The following PTPRN2 variants were observed in gnomAD, a reference collection of about 807,000 sequenced individuals.
PTPRN2 encodes protein tyrosine phosphatase receptor type N2, also known as receptor-type tyrosine-protein phosphatase N2.
In PTPRN2, 74 loss-of-function variants were observed where a neutral mutation model predicts 118.8. The ratio of observed to expected loss-of-function variants is 0.62; its 90% CI spans 0.52 to 0.76. The LOEUF (loss-of-function observed/expected upper bound fraction) is 0.76, where lower values mean the gene tolerates loss of function less well. PTPRN2 is among the 30% of genes least tolerant of loss of function. The probability of loss-of-function intolerance (pLI) is 0.00; values close to 1 mark genes in which losing one functional copy is unlikely to be tolerated. For missense variants in PTPRN2, 1,481 were observed against 1,394.4 expected, an observed-to-expected ratio of 1.06 and a Z score of -0.99; for synonymous variants, 641 against 608.0, an observed-to-expected ratio of 1.05 and a Z score of -0.80.
At chr7:158,334,671 C>A (rs11980565) in intron 2 of PTPRN2, among the ~76,000 whole-genome samples, 1 of 78,160 alleles carries the variant, frequency 1.3e-5, no homozygotes, top group Non-Finnish European at 2.8e-5. Context: ...CACCTGCAGA[C>A]GTCACTCACA....
intron 2 of PTPRN2, among the ~76,000 whole-genome samples, chr7:158,470,249 G>A (rs1039858477): frequency 2.0e-5 from 3 of 152,226 alleles, no homozygotes; most frequent in Non-Finnish European, 4.4e-5. Context: ...AACTAAGGCC[G>A]ACCAATAGGA....
intron 10 of PTPRN2, among the ~76,000 whole-genome samples, chr7:158,089,909 G>T (rs1199437504): frequency 0.016 from 124 of 7,734 alleles, 2 homozygotes; most frequent in East Asian, 0.042. Context: ...ACACAAACCT[G>T]TCTTCCCCTG....
chr7:158,551,024 G>A (rs755009852), intron 1 of PTPRN2, among the ~76,000 whole-genome samples: 7 of 152,238 alleles, frequency 4.6e-5, no homozygotes, highest in Non-Finnish European at 8.8e-5. Context: ...AGCAGCGACC[G>A]TGAGCACGGG....
chr7:157,555,159 C>T (rs774537789), intron 21 of PTPRN2, among the ~76,000 whole-genome samples: 4 of 152,338 alleles, frequency 2.6e-5, no homozygotes, highest in South Asian at 2.1e-4. Context: ...GGTACCATCC[C>T]GTGCCAAGCT....
At chr7:157,711,446 AGGTCCGGTTTGTGCACCTGCACACG>A (rs142427715) in intron 12 of PTPRN2, among the ~76,000 whole-genome samples, 61,510 of 135,148 alleles carry the variant, frequency 0.46, 17,080 homozygotes, top group Non-Finnish European at 0.56. Flanking sequence ...CACGCGCCGG[AGGTCCGGTTTGTGCACCTGCACACG>A]GGTCCTGTCT....
At chr7:158,036,944 G>A (rs898519649) in intron 11 of PTPRN2, among the ~76,000 whole-genome samples, 1 of 152,084 alleles carries the variant, frequency 6.6e-6, no homozygotes, top group African/African-American at 2.4e-5. Flanking sequence ...CATTAGAAAG[G>A]AAGAAAGCTG....
At chr7:157,631,155 C>T (rs1388249263) in intron 14 of PTPRN2, among the ~76,000 whole-genome samples, 1 of 152,138 alleles carries the variant, frequency 6.6e-6, no homozygotes, top group Non-Finnish European at 1.5e-5. Context: ...AAATCCATTT[C>T]CATTCTTTGC....
intron 11 of PTPRN2, among the ~76,000 whole-genome samples, chr7:157,923,910 T>G (rs1563242683): frequency 6.6e-6 from 1 of 152,172 alleles, no homozygotes; most frequent in Non-Finnish European, 1.5e-5. Context: ...GAGCAGAATT[T>G]AAAAAAGCAA....
At chr7:158,233,462 A>G (rs1829301309) in intron 3 of PTPRN2, among the ~76,000 whole-genome samples, 1 of 152,242 alleles carries the variant, frequency 6.6e-6, no homozygotes, top group Non-Finnish European at 1.5e-5. Context: ...GTATCCAAAT[A>G]ACTAATACTG....
At chr7:158,137,238 A>G (rs1818907553) in intron 7 of PTPRN2, among the ~76,000 whole-genome samples, 1 of 152,108 alleles carries the variant, frequency 6.6e-6, no homozygotes, top group Non-Finnish European at 1.5e-5. Context: ...CCAACAGGCG[A>G]AACCCCGTCT....
chr7:158,583,442 G>C (rs1261218449), intron 1 of PTPRN2, among the ~76,000 whole-genome samples: 1 of 152,140 alleles, frequency 6.6e-6, no homozygotes, highest in South Asian at 2.1e-4. Context: ...AAAGCAGAGA[G>C]AGGACTATGA....
intron 14 of PTPRN2, among the ~76,000 whole-genome samples, chr7:157,623,130 A>G (rs1039846986): frequency 4.6e-5 from 7 of 152,270 alleles, no homozygotes; most frequent in African/African-American, 1.7e-4. Flanking sequence ...CTTTTGAGAC[A>G]ATCATTATGG....
intron 12 of PTPRN2, among the ~76,000 whole-genome samples, chr7:157,856,474 C>T (rs1455572052): frequency 1.3e-5 from 2 of 152,224 alleles, no homozygotes; most frequent in East Asian, 1.9e-4. Context: ...CACCACAGGC[C>T]GGTGCCTCCG....
At chr7:158,199,369 T>C (rs1011446930) in intron 4 of PTPRN2, among the ~76,000 whole-genome samples, 3 of 152,214 alleles carry the variant, frequency 2.0e-5, no homozygotes, top group Non-Finnish European at 4.4e-5. Flanking sequence ...CGTCTCTTTC[T>C]GGCTTTCTCT....
chr7:157,575,110 T>C (rs1047847911), intron 19 of PTPRN2, among the ~76,000 whole-genome samples: 1 of 152,220 alleles, frequency 6.6e-6, no homozygotes, highest in African/African-American at 2.4e-5. Flanking sequence ...TTCCCGTCCA[T>C]ATATGGATAT....
intron 12 of PTPRN2, among the ~76,000 whole-genome samples, chr7:157,687,761 T>C (rs951982976): frequency 1.3e-5 from 2 of 152,226 alleles, no homozygotes; most frequent in Non-Finnish European, 2.9e-5. Flanking sequence ...TTAGGGCTGA[T>C]GAACATTTTA....
At chr7:158,350,988 C>T (rs919201576) in intron 2 of PTPRN2, among the ~76,000 whole-genome samples, 3 of 152,186 alleles carry the variant, frequency 2.0e-5, no homozygotes, top group Non-Finnish European at 2.9e-5. Flanking sequence ...GTGCCAGTTC[C>T]GTCAACTGCC....
chr7:157,756,236 G>A (rs1253650260), intron 12 of PTPRN2, among the ~76,000 whole-genome samples: 1 of 152,172 alleles, frequency 6.6e-6, no homozygotes, highest in Non-Finnish European at 1.5e-5. Context: ...TGAAGTTCTA[G>A]GTTAGGATCT....
chr7:158,154,451 T>C (rs1821517198), intron 6 of PTPRN2, among the ~76,000 whole-genome samples: 1 of 152,230 alleles, frequency 6.6e-6, no homozygotes, highest in South Asian at 2.1e-4. Flanking sequence ...CGCTGTAACA[T>C]TTAACAACTC....
Sources: gnomAD v4.1 joint callset for allele counts (sites outside exome capture counted in the v4.1 genomes callset) on GRCh38, gnomAD v4.1.1 for gene constraint, MANE v1.5 for transcripts, NCBI Gene and HGNC (gene_info 2026-07-23, HGNC 2026-07-21) for gene names.